Variants in DOP1B observed in about 807,000 individuals in gnomAD.
DOP1B encodes protein DOP1B.
Under a neutral mutation model 233.5 loss-of-function variants are expected in DOP1B, and 174 were observed. The observed-to-expected ratio is 0.75, with a 90% CI of 0.66 to 0.85. The LOEUF (loss-of-function observed/expected upper bound fraction) is 0.85. DOP1B is among the 40% of genes least tolerant of loss of function. The probability of loss-of-function intolerance (pLI) is 0.00; values close to 1 mark genes in which losing one functional copy is unlikely to be tolerated. For missense variants in DOP1B, 2,652 were observed against 2,846.6 expected (o/e 0.93, Z 1.56); for synonymous variants, 1,190 against 1,185.6 (o/e 1.00, Z -0.08).
chr21:36,186,091 T>C (rs1326245128), intron 2 of DOP1B, among the ~76,000 whole-genome samples: 1 of 152,028 alleles, frequency 6.6e-6, no homozygotes, highest in African/African-American at 2.4e-5. Flanking sequence ...TAATCCCAGC[T>C]ACTTGGGAGG....
chr21:36,205,414 AG>A (rs2066415839), intron 4 of DOP1B, among the ~76,000 whole-genome samples: 1 of 150,922 alleles, frequency 6.6e-6, no homozygotes, highest in Non-Finnish European at 1.5e-5. Flanking sequence ...TTTGAGATGG[AG>A]TCTCACTCTG....
In DOP1B at chr21:36,231,059, G is replaced by T; in HGVS notation, c.2275G>T (p.Asp759Tyr). ...AFAAACHLLL[D>Y]CATFPVYLSE... ...TGCCGCCGCCTGCCACCTGCTGCTG[G>T]ATTGTGCCACTTTCCCTGTCTACCT... is the stretch of plus-strand genomic sequence containing the variant. Residue 759 changes from aspartate to tyrosine, a missense_variant, in exon 14 of 37, where the codon GAT (aspartate) becomes TAT (tyrosine). Physicochemically the swap from Asp to Tyr is radical, Grantham distance 160. Around this residue, in one of 3 missense-constraint regions of DOP1B, gnomAD observed 2,617 missense variants for 2,794.3 expected, o/e 0.94. Coordinates refer to ENST00000691173, the MANE Select transcript of DOP1B (RefSeq NM_001320714.2). 1.2e-6 allele frequency: 2 copies of T among 1,613,916 alleles called. No homozygotes were observed. The highest frequency in any genetic ancestry group is 2.2e-5 in the East Asian group (1 of 44,868).
chr21:36,159,126 C>CT (rs1406799573), intron 1 of DOP1B, among the ~76,000 whole-genome samples: 4 of 151,502 alleles, frequency 2.6e-5, no homozygotes, highest in South Asian at 4.2e-4. Flanking sequence ...GAGCGAGACT[C>CT]TGTCTCAAAA....
intron 32 of DOP1B, among the ~76,000 whole-genome samples, chr21:36,283,517 C>T (rs1207170426): frequency 5.3e-5 from 8 of 152,152 alleles, no homozygotes; most frequent in Non-Finnish European, 2.9e-5. Flanking sequence ...AGATTTTTAC[C>T]TTGTAATATC....
At chr21:36,162,218 A>T (rs7275433) in intron 1 of DOP1B, among the ~76,000 whole-genome samples, 2 of 151,980 alleles carry the variant, frequency 1.3e-5, no homozygotes, top group Admixed American at 6.6e-5. Context: ...TGTTTGAGAC[A>T]GGGTCTCATT....
rs761428208 is a variant in DOP1B at position 36,215,780 on chromosome 21, C to T, written c.1129+1224C>T. On this transcript the variant is annotated intron_variant, in intron 9 of 36. Transcript: ENST00000691173. ...CTGTGATCCCAGCACTTTGGGAGGCCGAGGCAGGTGGATCATGAGGTCAGG... is the reference window on the plus strand; with the variant it reads ...CTGTGATCCCAGCACTTTGGGAGGCTGAGGCAGGTGGATCATGAGGTCAGG... 5.5e-3 allele frequency among the ~76,000 whole-genome samples: 791 copies of T among 143,120 alleles called. 3 individuals carry two copies. Among genetic ancestry groups the T allele is most frequent in the Non-Finnish European group, 8.3e-3 (538 of 64,998 alleles). 93.9% of individuals were successfully genotyped at this position (143,120 alleles called of 152,430 possible). A position where few individuals can be genotyped will look rare whatever the true frequency, so the allele number is the denominator to read the frequency against.
At chr21:36,249,474 C>T (rs186734668) in intron 21 of DOP1B, among the ~76,000 whole-genome samples, 1 of 152,242 alleles carries the variant, frequency 6.6e-6, no homozygotes, top group Admixed American at 6.5e-5. Context: ...CCTAGATCCT[C>T]ACCTCTAAAT....
chr21:36,261,035 C>A (rs1465518964), intron 24 of DOP1B: 37 of 1,116,984 alleles, frequency 3.3e-5, no homozygotes, highest in South Asian at 6.8e-5. Context: ...AAGAAAAAAA[C>A]CACATATAGG....
At chr21:36,234,762 A>AACTCCTG (rs1259077862) in intron 15 of DOP1B, among the ~76,000 whole-genome samples, 1 of 152,078 alleles carries the variant, frequency 6.6e-6, no homozygotes, top group Non-Finnish European at 1.5e-5. Context: ...GCTGGTCTCA[A>AACTCCTG]ACTCCTGACT....
chr21:36,189,001 C>T (rs1419556038), intron 2 of DOP1B, among the ~76,000 whole-genome samples: 1 of 151,814 alleles, frequency 6.6e-6, no homozygotes, highest in Non-Finnish European at 1.5e-5. Flanking sequence ...TAAAATTTAC[C>T]ATCTTAACCA....
chr21:36,184,314 G>A (rs1428509270), intron 2 of DOP1B, among the ~76,000 whole-genome samples: 1 of 152,142 alleles, frequency 6.6e-6, no homozygotes, highest in Non-Finnish European at 1.5e-5. Context: ...CTCCCAGAGT[G>A]CTGCGATTAC....
At chr21:36,290,410 C>T (rs1569074572) in intron 35 of DOP1B, among the ~76,000 whole-genome samples, 1 of 152,118 alleles carries the variant, frequency 6.6e-6, no homozygotes, top group African/African-American at 2.4e-5. Context: ...CCTGTAATCC[C>T]AGCACTTTGG....
intron 2 of DOP1B, among the ~76,000 whole-genome samples, chr21:36,192,177 G>A (rs2066241104): frequency 6.6e-6 from 1 of 151,954 alleles, no homozygotes; most frequent in African/African-American, 2.4e-5. Context: ...TGGGCAACAT[G>A]GCGAAACCCC....
At chr21:36,169,710 G>C in intron 2 of DOP1B, 1 of 937,312 alleles carries the variant, frequency 1.1e-6, no homozygotes, top group Non-Finnish European at 1.8e-6. Context: ...CGGGTGACTT[G>C]GCAGTGCTTC....
At chr21:36,166,648 C>T (rs2065913843) in intron 2 of DOP1B, among the ~76,000 whole-genome samples, 1 of 152,168 alleles carries the variant, frequency 6.6e-6, no homozygotes, top group Non-Finnish European at 1.5e-5. Context: ...CTGTACCTGG[C>T]TCTGTTGCTG....
In DOP1B at chr21:36,245,787, C is replaced by T; in HGVS notation, c.3807C>T (p.Thr1269=). The T allele has an allele frequency of 6.2e-7, 1 of 1,613,942 alleles. No homozygotes were observed. Among genetic ancestry groups the T allele is most frequent in the East Asian group, 2.2e-5 (1 of 44,862 alleles). The change falls in exon 19 of 37, where the codon ACC becomes ACT. Residue 1269 remains threonine, a synonymous_variant. Transcript: ENST00000691173. The surrounding 1 kb of genome is among the most constrained non-coding windows in gnomAD (Gnocchi z 5.5). ...IEAVSRTSMD[T]SSTAHLNLIS... ...CTGTGTCCAGGACTAGCATGGATAC[C>T]AGCTCCACCGCGCACCTCAACCTCA...
chr21:36,273,240 C>T (rs2146237846), intron 27 of DOP1B, among the ~76,000 whole-genome samples: 1 of 151,748 alleles, frequency 6.6e-6, no homozygotes, highest in South Asian at 2.1e-4. Context: ...AACCCTGTCT[C>T]TACTAAAAAT....
At chr21:36,275,632 AAAG>A (rs1261512772) in intron 27 of DOP1B, among the ~76,000 whole-genome samples, 1 of 151,906 alleles carries the variant, frequency 6.6e-6, no homozygotes, top group Non-Finnish European at 1.5e-5. Context: ...AAAAAAAAAA[AAAG>A]AATTATGTTG....
At chr21:36,279,022 C>G (rs563812646) in intron 30 of DOP1B, among the ~76,000 whole-genome samples, 52 of 152,184 alleles carry the variant, frequency 3.4e-4, no homozygotes, top group Non-Finnish European at 6.8e-4. Flanking sequence ...TCGGCTGATA[C>G]TCCACAAGTT....
Sources: gnomAD v4.1 joint callset for allele counts (sites outside exome capture counted in the v4.1 genomes callset) on GRCh38, gnomAD v4.1.1 for gene constraint, gnomAD v4.1.1 regional missense constraint, Gnocchi (gnomAD v3.1) non-coding constraint, MANE v1.5 for transcripts, NCBI Gene and HGNC (gene_info 2026-07-23, HGNC 2026-07-21) for gene names.